The following NRXN3 variants were observed in gnomAD, a reference collection of about 807,000 sequenced individuals.
The protein encoded by NRXN3 is neurexin III.
Under a neutral mutation model 137.6 loss-of-function variants are expected in NRXN3, and 32 were observed. That is an observed-to-expected ratio of 0.23 (90% CI 0.18 to 0.31). The LOEUF (loss-of-function observed/expected upper bound fraction) is 0.31. NRXN3 is among the 10% of genes least tolerant of loss of function. The probability of loss-of-function intolerance (pLI) is 1.00; values close to 1 mark genes in which losing one functional copy is unlikely to be tolerated. For synonymous variants in NRXN3, 798 were observed against 784.5 expected, an observed-to-expected ratio of 1.02 and a Z score of -0.29; for missense variants, 1,574 against 2,062.5, an observed-to-expected ratio of 0.76 and a Z score of 4.59.
At chr14:78,441,967 G>A (rs1250140638) in intron 4 of NRXN3, among the ~76,000 whole-genome samples, 1 of 151,906 alleles carries the variant, frequency 6.6e-6, no homozygotes, top group Non-Finnish European at 1.5e-5. Flanking sequence ...GTGGTGGCGG[G>A]GACCTGTAGT....
chr14:78,983,100 C>T (rs1403668957), intron 14 of NRXN3, among the ~76,000 whole-genome samples: 2 of 152,116 alleles, frequency 1.3e-5, no homozygotes, highest in Non-Finnish European at 2.9e-5. Flanking sequence ...CACCTTGCAC[C>T]TATTAAAATA....
chr14:79,787,998 G>A (rs2099134319), intron 19 of NRXN3, among the ~76,000 whole-genome samples: 1 of 152,040 alleles, frequency 6.6e-6, no homozygotes, highest in Non-Finnish European at 1.5e-5. Context: ...TGCTAATAAA[G>A]ACATACCTGA....
chr14:78,175,801 T>C (rs893389015), intron 1 of NRXN3, among the ~76,000 whole-genome samples: 1 of 152,224 alleles, frequency 6.6e-6, no homozygotes, highest in African/African-American at 2.4e-5. Context: ...CCTGACCAGC[T>C]TTCTAAAATA....
At chr14:78,964,028 C>A (rs569227663) in intron 11 of NRXN3, among the ~76,000 whole-genome samples, 125 of 152,204 alleles carry the variant, frequency 8.2e-4, no homozygotes, top group Non-Finnish European at 1.4e-3. Flanking sequence ...CTCGGCCTCC[C>A]AAAGTGCTGG....
Position 78,277,712 on chromosome 14 carries a change from T to C in NRXN3, c.710-933T>C, listed in dbSNP as rs187007790. On this transcript the variant is annotated intron_variant, in intron 2 of 20. Transcript: ENST00000335750. ...CCTCTCAGGTTGGGTCTAGGGGTTT[T>C]AACAGTGCCTTGGGCTGCTCTGGGT... 1.4e-4 allele frequency among the ~76,000 whole-genome samples: 21 copies of C among 152,266 alleles called. No homozygotes were observed. In the East Asian group the frequency reaches 3.7e-3, roughly 27 times the overall value.
intron 4 of NRXN3, among the ~76,000 whole-genome samples, chr14:78,520,540 T>C (rs1332851911): frequency 3.3e-5 from 5 of 152,136 alleles, no homozygotes; most frequent in Non-Finnish European, 7.4e-5. Context: ...CAGATAAAGT[T>C]GGTGGAATAG....
intron 15 of NRXN3, among the ~76,000 whole-genome samples, chr14:79,381,341 A>G (rs1286495167): frequency 1.3e-5 from 2 of 152,050 alleles, no homozygotes; most frequent in South Asian, 2.1e-4. Context: ...GTGGGACATA[A>G]TATCTCTGAA....
chr14:78,209,170 G>A (rs746694278), intron 1 of NRXN3, among the ~76,000 whole-genome samples: 1 of 152,172 alleles, frequency 6.6e-6, no homozygotes, highest in Non-Finnish European at 1.5e-5. Context: ...AGGTGTGAAG[G>A]CTTGCTTGGG....
intron 15 of NRXN3, among the ~76,000 whole-genome samples, chr14:79,045,425 C>G (rs2099631557): frequency 6.6e-6 from 1 of 152,150 alleles, no homozygotes; most frequent in African/African-American, 2.4e-5. Flanking sequence ...GCCTGCATCC[C>G]CACAAGCCGC....
intron 8 of NRXN3, among the ~76,000 whole-genome samples, chr14:78,725,852 T>G (rs2098480661): frequency 6.6e-6 from 1 of 152,236 alleles, no homozygotes; most frequent in Non-Finnish European, 1.5e-5. Context: ...CTACATATGA[T>G]GTACTAAATG....
intron 19 of NRXN3, among the ~76,000 whole-genome samples, chr14:79,714,545 A>G (rs1358578562): frequency 6.6e-6 from 1 of 152,110 alleles, no homozygotes; most frequent in East Asian, 1.9e-4. Context: ...TCAAATAACT[A>G]TAGGGAGATT....
intron 16 of NRXN3, among the ~76,000 whole-genome samples, chr14:79,506,905 C>A (rs1002779424): frequency 6.6e-6 from 1 of 152,218 alleles, no homozygotes; most frequent in South Asian, 2.1e-4. Context: ...ATTTATATAT[C>A]AACTATGGAA....
intron 1 of NRXN3, among the ~76,000 whole-genome samples, chr14:78,206,669 C>T (rs534128070): frequency 6.6e-6 from 1 of 152,144 alleles, no homozygotes; most frequent in Non-Finnish European, 1.5e-5. Context: ...GAGTTACTGT[C>T]CTGAATGTTC....
At chr14:78,396,097 G>A (rs2091426181) in intron 4 of NRXN3, among the ~76,000 whole-genome samples, 1 of 150,988 alleles carries the variant, frequency 6.6e-6, no homozygotes, top group African/African-American at 2.4e-5. Flanking sequence ...TTTTAATTTA[G>A]TATTTTGATT....
chr14:79,037,857 A>G (rs982355471), intron 15 of NRXN3, among the ~76,000 whole-genome samples: 3 of 152,104 alleles, frequency 2.0e-5, no homozygotes, highest in African/African-American at 4.8e-5. Flanking sequence ...CCAAAAGATA[A>G]AGAAGTGTAG....
intron 15 of NRXN3, among the ~76,000 whole-genome samples, chr14:79,232,401 G>T (rs764760119): frequency 1.7e-4 from 26 of 152,086 alleles, no homozygotes; most frequent in Non-Finnish European, 3.2e-4. Context: ...ATATCTATTA[G>T]CTTGAAATTG....
At position 79,863,830 on chromosome 14, in the gene NRXN3, C is replaced by T. The variant is rs1182178032; in HGVS notation, c.*1866C>T. On this transcript the variant is annotated 3_prime_UTR_variant, in exon 21 of 21. Transcript: ENST00000335750. Reference sequence around the variant, plus strand: ...TGTACAGATGAAAATCAATCAGCTGCTTAGATTTAGAAATCTACTCTTGCT... The same window carrying T: ...TGTACAGATGAAAATCAATCAGCTGTTTAGATTTAGAAATCTACTCTTGCT... 6.6e-6 allele frequency: 1 copy of T among 152,554 alleles called. No individual in the cohort carries two copies. Among genetic ancestry groups the T allele is most frequent in the Non-Finnish European group, 1.5e-5 (1 of 68,032 alleles). The allele number at this position is 152,554 out of a possible 1,614,324, so 9.5% of individuals were successfully genotyped here.
At chr14:79,061,199 G>A (rs897858310) in intron 15 of NRXN3, among the ~76,000 whole-genome samples, 3 of 152,182 alleles carry the variant, frequency 2.0e-5, no homozygotes, top group Non-Finnish European at 4.4e-5. Context: ...AGTGCATAAA[G>A]AGATCCCATC....
At chr14:78,316,552 G>A (rs1054038861) in intron 4 of NRXN3, among the ~76,000 whole-genome samples, 4 of 152,116 alleles carry the variant, frequency 2.6e-5, no homozygotes, top group Non-Finnish European at 5.9e-5. Flanking sequence ...TTTATTTTTG[G>A]AGGAGAAGGG....
Sources: gnomAD v4.1 joint callset for allele counts (sites outside exome capture counted in the v4.1 genomes callset) on GRCh38, gnomAD v4.1.1 for gene constraint, MANE v1.5 for transcripts, NCBI Gene and HGNC (gene_info 2026-07-23, HGNC 2026-07-21) for gene names.